RBMS3: variants seen among roughly 807,000 people sequenced by gnomAD.
RBMS3 encodes RNA-binding motif, single-stranded-interacting protein 3.
A neutral mutation model predicts 66.8 loss-of-function variants in RBMS3; 27 were observed. The observed-to-expected ratio is 0.40, with a 90% CI of 0.30 to 0.56. The LOEUF (loss-of-function observed/expected upper bound fraction) is 0.56, where lower values mean the gene tolerates loss of function less well. RBMS3 is among the 20% of genes least tolerant of loss of function. The pLI is 0.40. For missense variants in RBMS3, 513 were observed against 549.5 expected (o/e 0.93, Z 0.66); for synonymous variants, 188 against 183.0 (o/e 1.03, Z -0.22).
At chr3:29,794,015 A>G (rs2057096605) in intron 6 of RBMS3, among the ~76,000 whole-genome samples, 2 of 152,176 alleles carry the variant, frequency 1.3e-5, no homozygotes, top group African/African-American at 4.8e-5. Context: ...TATTCTTGCC[A>G]TGTGACGTGC....
intron 4 of RBMS3, among the ~76,000 whole-genome samples, chr3:29,669,765 G>A (rs1394708552): frequency 6.6e-6 from 1 of 151,922 alleles, no homozygotes; most frequent in African/African-American, 2.4e-5. Context: ...TTCATGTTCA[G>A]TGCTAGTTTT....
chr3:29,921,831 C>T (rs908020671), intron 10 of RBMS3, among the ~76,000 whole-genome samples: 5 of 152,172 alleles, frequency 3.3e-5, no homozygotes, highest in Admixed American at 6.5e-5. Context: ...GAGTTATTTC[C>T]TTCCTACAGT....
chr3:29,352,344 G>A (rs1265719444), intron 1 of RBMS3, among the ~76,000 whole-genome samples: 1 of 151,834 alleles, frequency 6.6e-6, no homozygotes, highest in African/African-American at 2.4e-5. Flanking sequence ...CTTTTATAGT[G>A]CATGATATAT....
At chr3:29,974,893 C>A (rs1349052408) in intron 12 of RBMS3, among the ~76,000 whole-genome samples, 1 of 136,958 alleles carries the variant, frequency 7.3e-6, no homozygotes, top group Non-Finnish European at 1.6e-5. Flanking sequence ...ATATAAAATA[C>A]GTTTCTATAT....
chr3:29,644,878 A>G (rs992426733), intron 4 of RBMS3, among the ~76,000 whole-genome samples: 4 of 152,230 alleles, frequency 2.6e-5, no homozygotes, highest in South Asian at 2.1e-4. Flanking sequence ...ACATTTAAAT[A>G]TGTCAATAGT....
intron 4 of RBMS3, among the ~76,000 whole-genome samples, chr3:29,644,684 A>G (rs57576954): frequency 0.014 from 2,174 of 152,274 alleles, 38 homozygotes; most frequent in African/African-American, 0.041. Context: ...ATAGTATATG[A>G]ATTTTAGTCT....
chr3:29,930,373 A>G (rs570809350), intron 10 of RBMS3, among the ~76,000 whole-genome samples: 1 of 151,482 alleles, frequency 6.6e-6, no homozygotes, highest in South Asian at 2.1e-4. Flanking sequence ...CGGCCTCCCA[A>G]AGTGCTGGGA....
chr3:29,544,731 C>A (rs766605309), intron 3 of RBMS3, among the ~76,000 whole-genome samples: 20 of 121,538 alleles, frequency 1.6e-4, no homozygotes, highest in Admixed American at 3.2e-4. Flanking sequence ...TTGATGATAG[C>A]CTTTTATGAC....
chr3:29,308,800 CAAAAA>C (rs10706270), intron 1 of RBMS3, among the ~76,000 whole-genome samples: 7 of 130,480 alleles, frequency 5.4e-5, no homozygotes, highest in African/African-American at 2.0e-4. Flanking sequence ...AAAATTTTGT[CAAAAA>C]AAAAAAAAAA....
intron 4 of RBMS3, among the ~76,000 whole-genome samples, chr3:29,634,599 G>T (rs1440493): frequency 0.21 from 31,278 of 151,700 alleles, 3,502 homozygotes; most frequent in Middle Eastern, 0.3. Context: ...GTTTCCCACA[G>T]TGGTAACTTA....
chr3:29,437,498 T>C (rs1185946523), intron 2 of RBMS3, among the ~76,000 whole-genome samples: 1 of 152,248 alleles, frequency 6.6e-6, no homozygotes, highest in African/African-American at 2.4e-5. Context: ...TAGTTACTTG[T>C]TCATATTAAT....
At chr3:29,329,668 T>G (rs2125510277) in intron 1 of RBMS3, among the ~76,000 whole-genome samples, 1 of 151,978 alleles carries the variant, frequency 6.6e-6, no homozygotes, top group East Asian at 1.9e-4. Context: ...ATGAAGTATT[T>G]TGATGTGCCA....
At chr3:29,829,501 A>G (rs1340467045) in intron 6 of RBMS3, among the ~76,000 whole-genome samples, 16 of 152,188 alleles carry the variant, frequency 1.1e-4, no homozygotes, top group Admixed American at 9.8e-4. Flanking sequence ...TAAATCTTCT[A>G]TTTCGCTTCT....
chr3:29,640,131 T>C (rs1049152795), intron 4 of RBMS3, among the ~76,000 whole-genome samples: 1 of 151,822 alleles, frequency 6.6e-6, no homozygotes. Context: ...CAAATCAGAA[T>C]GGCATATGAG....
At chr3:29,503,496 T>G (rs1048467045) in intron 3 of RBMS3, among the ~76,000 whole-genome samples, 1 of 152,134 alleles carries the variant, frequency 6.6e-6, no homozygotes, top group Non-Finnish European at 1.5e-5. Context: ...GTGTTTAGAT[T>G]CTAACTACAT....
chr3:29,473,561 G>C (rs548935457), intron 2 of RBMS3, among the ~76,000 whole-genome samples: 1 of 152,202 alleles, frequency 6.6e-6, no homozygotes, highest in African/African-American at 2.4e-5. Context: ...CAGGGGTGGC[G>C]CTCGTTGGGG....
intron 6 of RBMS3, among the ~76,000 whole-genome samples, chr3:29,800,700 A>G (rs903110805): frequency 6.6e-6 from 1 of 152,162 alleles, no homozygotes; most frequent in African/African-American, 2.4e-5. Flanking sequence ...CTGTTTATTC[A>G]ATAGTGCACT....
intron 4 of RBMS3, among the ~76,000 whole-genome samples, chr3:29,713,261 G>T (rs1457751624): frequency 1.3e-5 from 2 of 151,790 alleles, no homozygotes; most frequent in South Asian, 2.1e-4. Context: ...CCCTCTCTTT[G>T]TTCAGTGTTT....
At chr3:29,818,257 A>T (rs879397600) in intron 6 of RBMS3, among the ~76,000 whole-genome samples, 1 of 152,060 alleles carries the variant, frequency 6.6e-6, no homozygotes, top group Admixed American at 6.6e-5. Context: ...TTCTACTGAC[A>T]GTATACCGCA....
Sources: allele counts gnomAD v4.1 joint callset (sites outside exome capture counted in the v4.1 genomes callset), GRCh38; gene constraint gnomAD v4.1.1; transcripts MANE v1.5; gene names NCBI Gene and HGNC (gene_info 2026-07-23, HGNC 2026-07-21).